Variants in JAKMIP2 observed in about 807,000 individuals in gnomAD.
JAKMIP2 encodes the protein janus kinase and microtubule-interacting protein 2.
Under a neutral mutation model 115.0 loss-of-function variants are expected in JAKMIP2, and 25 were observed. That is an observed-to-expected ratio of 0.22 (90% CI 0.16 to 0.30). JAKMIP2 has a LOEUF of 0.30. Ranked by LOEUF, JAKMIP2 falls within the 10% of genes least tolerant of loss-of-function variation. The probability of loss-of-function intolerance (pLI) is 1.00; values close to 1 mark genes in which losing one functional copy is unlikely to be tolerated. For missense variants in JAKMIP2, 642 were observed against 957.6 expected (o/e 0.67, Z 4.35); for synonymous variants, 334 against 343.6 (o/e 0.97, Z 0.31).
chr5:147,610,152 T>TA (rs1756238822), intron 20 of JAKMIP2, among the ~76,000 whole-genome samples: 1 of 152,184 alleles, frequency 6.6e-6, no homozygotes, highest in Admixed American at 6.5e-5. Flanking sequence ...AGGAATTTGT[T>TA]ATTACCCACC....
At chr5:147,689,234 A>G (rs1219862064) in intron 1 of JAKMIP2, among the ~76,000 whole-genome samples, 1 of 152,170 alleles carries the variant, frequency 6.6e-6, no homozygotes, top group East Asian at 1.9e-4. Flanking sequence ...GAGGGCAGAC[A>G]GTAATGGGAG....
At chr5:147,690,230 G>A (rs1760764011) in intron 1 of JAKMIP2, among the ~76,000 whole-genome samples, 3 of 152,008 alleles carry the variant, frequency 2.0e-5, no homozygotes, top group Non-Finnish European at 4.4e-5. Context: ...GTGTTTGGGA[G>A]GCTAAGGTGG....
At chr5:147,766,399 A>G (rs1438731056) in intron 1 of JAKMIP2, among the ~76,000 whole-genome samples, 1 of 152,174 alleles carries the variant, frequency 6.6e-6, no homozygotes, top group Non-Finnish European at 1.5e-5. Flanking sequence ...CTCTCTTTTA[A>G]CAATTAACAA....
At chr5:147,627,587 G>T (rs544422992) in intron 16 of JAKMIP2, among the ~76,000 whole-genome samples, 1 of 142,828 alleles carries the variant, frequency 7.0e-6, no homozygotes, top group East Asian at 2.2e-4. Context: ...TGTGTAGGAA[G>T]TAAGTTTTTT....
intron 1 of JAKMIP2, among the ~76,000 whole-genome samples, chr5:147,694,991 T>C (rs1393089174): frequency 2.6e-5 from 4 of 152,162 alleles, no homozygotes; most frequent in Non-Finnish European, 5.9e-5. Context: ...TAAAAGCACA[T>C]GCAAGCGAGC....
rs1451684902 is a variant in JAKMIP2, at chr5:147,782,506, A to G, written c.-199T>C. ...TAAAGGAGGGAGAGATGCAAACTGA[A>G]TCCATTTTCCTTGTGACCGAGTCGG... On this transcript the variant is annotated 5_prime_UTR_variant, in exon 1 of 22. Transcript: ENST00000616793. The G allele has an allele frequency of 9.8e-6, 15 of 1,534,392 alleles. No individual in the cohort carries two copies. The highest frequency in any genetic ancestry group is 1.7e-6 in the Non-Finnish European group (2 of 1,145,590).
intron 1 of JAKMIP2, among the ~76,000 whole-genome samples, chr5:147,694,648 C>T (rs2126869067): frequency 6.6e-6 from 1 of 152,292 alleles, no homozygotes; most frequent in African/African-American, 2.4e-5. Context: ...TCTCATGTCT[C>T]CCTGAATGTG....
rs376500769 is a variant in JAKMIP2 at position 147,671,825 on chromosome 5, G to C, written c.-19C>G. 1.8e-5 allele frequency: 28 copies of C among 1,534,774 alleles called. No homozygotes were observed. The highest frequency in any genetic ancestry group is 2.4e-5 in the Non-Finnish European group (27 of 1,139,546). On this transcript the variant is annotated 5_prime_UTR_variant, in exon 2 of 22. Coordinates refer to ENST00000616793, the MANE Select transcript of JAKMIP2 (RefSeq NM_001270941.2). The stretch of plus-strand genomic sequence containing the variant: ...TGGACATTGTTCCTTTCTAAATGGA[G>C]TCTGTTGGTTTTTAATTTCTTTCAA...
At chr5:147,752,169 G>T (rs1452086698) in intron 1 of JAKMIP2, among the ~76,000 whole-genome samples, 4 of 152,182 alleles carry the variant, frequency 2.6e-5, no homozygotes, top group Non-Finnish European at 5.9e-5. Context: ...AATCAGTCAT[G>T]CTGAGATGGG....
rs1350210559 is a variant in JAKMIP2, at chr5:147,639,620, A to T, written c.1530+12T>A. On this transcript the variant is annotated intron_variant, in intron 10 of 21. Coordinates refer to ENST00000616793, the MANE Select transcript of JAKMIP2 (RefSeq NM_001270941.2). ...ACGCTAATTCAGAGCACTCTCACAG[A>T]TACACACTAACCTTGGCTTCTCGTT... is the stretch of plus-strand genomic sequence containing the variant. 3.7e-6 allele frequency: 6 copies of T among 1,610,274 alleles called. No homozygotes were observed. The highest frequency in any genetic ancestry group is 5.1e-6 in the Non-Finnish European group (6 of 1,178,692).
chr5:147,591,005 T>C lies in JAKMIP2; in HGVS notation c.*702A>G, dbSNP rs1201661230. Reference sequence around the variant, plus strand: ...CACTTCTCATCTGTCGTCTGTGGAATGAATTCCACAAGCTCCACCTTTTGC... The same window carrying C: ...CACTTCTCATCTGTCGTCTGTGGAACGAATTCCACAAGCTCCACCTTTTGC... On this transcript the variant is annotated 3_prime_UTR_variant, in exon 22 of 22. Coordinates refer to ENST00000616793, the MANE Select transcript of JAKMIP2 (RefSeq NM_001270941.2). 1 of 152,640 alleles carries C rather than the reference T, an allele frequency of 6.6e-6. No individual in the cohort carries two copies. The highest frequency in any genetic ancestry group is 2.4e-5 in the African/African-American group (1 of 41,448). 9.5% of individuals were successfully genotyped at this position (152,640 alleles called of 1,614,324 possible). A position where few individuals can be genotyped will look rare whatever the true frequency, so the allele number is the denominator to read the frequency against.
At chr5:147,636,759 C>T (rs1037235906) in intron 11 of JAKMIP2, among the ~76,000 whole-genome samples, 2 of 152,198 alleles carry the variant, frequency 1.3e-5, no homozygotes, top group African/African-American at 4.8e-5. Context: ...CTTGCCCAAG[C>T]TCATTCACTG....
At chr5:147,757,358 G>A (rs757566165) in intron 1 of JAKMIP2, among the ~76,000 whole-genome samples, 2 of 152,098 alleles carry the variant, frequency 1.3e-5, no homozygotes, top group African/African-American at 4.8e-5. Context: ...AGACTGTGAT[G>A]TGGCATTAGG....
At chr5:147,645,905 C>T (rs73268168) in intron 5 of JAKMIP2, among the ~76,000 whole-genome samples, 6,896 of 152,136 alleles carry the variant, frequency 0.045, 513 homozygotes, top group African/African-American at 0.15. Flanking sequence ...GTCAATAGTC[C>T]TCCCCTTTAC....
chr5:147,607,075 T>C (rs1325587974), intron 20 of JAKMIP2, among the ~76,000 whole-genome samples: 1 of 152,226 alleles, frequency 6.6e-6, no homozygotes, highest in Non-Finnish European at 1.5e-5. Context: ...GTTTTTGGGC[T>C]GAGACAATGG....
chr5:147,699,215 A>T (rs1441747072), intron 1 of JAKMIP2, among the ~76,000 whole-genome samples: 1 of 152,230 alleles, frequency 6.6e-6, no homozygotes, highest in African/African-American at 2.4e-5. Context: ...TAAAGTTCTG[A>T]TTTGGTAGGT....
chr5:147,687,176 A>G (rs1172803638), intron 1 of JAKMIP2, among the ~76,000 whole-genome samples: 2 of 152,200 alleles, frequency 1.3e-5, no homozygotes, highest in African/African-American at 2.4e-5. Flanking sequence ...AATCATCATC[A>G]TAATTGTCAT....
intron 2 of JAKMIP2, among the ~76,000 whole-genome samples, chr5:147,668,830 G>A (rs1040982251): frequency 6.6e-6 from 1 of 152,188 alleles, no homozygotes; most frequent in African/African-American, 2.4e-5. Context: ...AGGTGCTAGT[G>A]AAGCAGCTGG....
intron 1 of JAKMIP2, among the ~76,000 whole-genome samples, chr5:147,739,522 C>T (rs908535323): frequency 3.3e-5 from 5 of 151,992 alleles, no homozygotes; most frequent in Non-Finnish European, 7.4e-5. Context: ...GTGCATGAGA[C>T]GAACAGAGGC....
Sources: gnomAD v4.1 joint callset for allele counts (sites outside exome capture counted in the v4.1 genomes callset) on GRCh38, gnomAD v4.1.1 for gene constraint, MANE v1.5 for transcripts, NCBI Gene and HGNC (gene_info 2026-07-23, HGNC 2026-07-21) for gene names.